The following ANO1 variants were observed in gnomAD, a reference collection of about 807,000 sequenced individuals.
ANO1 encodes anoctamin-1.
In ANO1, 59 loss-of-function variants were observed where a neutral mutation model predicts 124.0. The ratio of observed to expected loss-of-function variants is 0.48; its 90% CI spans 0.39 to 0.59. The LOEUF is 0.59. ANO1 is among the 20% of genes least tolerant of loss of function. The probability of loss-of-function intolerance (pLI) is 0.00; values close to 1 mark genes in which losing one functional copy is unlikely to be tolerated. For missense variants in ANO1, 1,059 were observed against 1,328.0 expected (o/e 0.80, Z 3.15); for synonymous variants, 529 against 532.0 (o/e 0.99, Z 0.08).
At chr11:70,042,549 G>C (rs1857200870) in intron 1 of ANO1, among the ~76,000 whole-genome samples, 1 of 135,936 alleles carries the variant, frequency 7.4e-6, no homozygotes, top group South Asian at 2.9e-4. Flanking sequence ...TTGAGAGATT[G>C]AGAGAGAGAG....
chr11:70,038,956 C>T (rs2135051725), intron 1 of ANO1, among the ~76,000 whole-genome samples: 1 of 151,980 alleles, frequency 6.6e-6, no homozygotes, highest in Non-Finnish European at 1.5e-5. Context: ...AAAAGCAATA[C>T]AGGAGAAAAA....
intron 1 of ANO1, among the ~76,000 whole-genome samples, chr11:70,047,368 G>A (rs1170371095): frequency 6.6e-6 from 1 of 152,032 alleles, no homozygotes; most frequent in African/African-American, 2.4e-5. Context: ...ATTATATGGA[G>A]AAATAAGAAT....
At chr11:69,971,248 T>C in the ANO1 span, among the ~76,000 whole-genome samples, 1 of 152,142 alleles carries the variant, frequency 6.6e-6, no homozygotes, top group Non-Finnish European at 1.5e-5. Flanking sequence ...GGAGAGTTGG[T>C]CCCCATGGTC....
intron 1 of ANO1, among the ~76,000 whole-genome samples, chr11:70,086,217 G>A (rs984334763): frequency 5.3e-5 from 8 of 152,320 alleles, no homozygotes; most frequent in Non-Finnish European, 1.2e-4. Context: ...TGCCTGTTAG[G>A]TTCTACCCAG....
chr11:70,010,166 C>CATGTGT (rs1856568763), intron 1 of ANO1, among the ~76,000 whole-genome samples: 1 of 100,528 alleles, frequency 9.9e-6, no homozygotes, highest in Non-Finnish European at 2.0e-5. Context: ...TGTGTGTGTG[C>CATGTGT]GCGTGTGTGT....
chr11:70,019,583 A>G (rs1856765002), intron 1 of ANO1, among the ~76,000 whole-genome samples: 1 of 152,130 alleles, frequency 6.6e-6, no homozygotes, highest in Non-Finnish European at 1.5e-5. Flanking sequence ...CCAAGTATGC[A>G]TTCAGTGACA....
chr11:70,187,998 C>T lies in ANO1; in HGVS notation c.2955C>T (p.Val985=), dbSNP rs1371769530. 2.6e-6 allele frequency: 4 copies of T among 1,560,904 alleles called. No individual in the cohort carries two copies. Among genetic ancestry groups the T allele is most frequent in the Non-Finnish European group, 2.6e-6 (3 of 1,153,276 alleles). Residue 985 remains valine (V), a synonymous_variant, in exon 26 of 26, where the codon GTC becomes GTT. Transcript: ENST00000355303. The part of the protein sequence containing the change: ...PAPSHAYHGG[V]L The stretch of plus-strand genomic sequence containing the variant: ...CCAGCCATGCCTACCACGGGGGCGT[C>T]CTGTAGCTATGCCAGCGGGGCTGGG...
At chr11:70,097,489 GC>G (rs2135313813) in intron 2 of ANO1, among the ~76,000 whole-genome samples, 1 of 152,348 alleles carries the variant, frequency 6.6e-6, no homozygotes, top group East Asian at 1.9e-4. Context: ...GCAGACCCCT[GC>G]CCAGGGACTG....
At chr11:70,066,750 C>G (rs950946344) in intron 1 of ANO1, among the ~76,000 whole-genome samples, 3 of 152,130 alleles carry the variant, frequency 2.0e-5, no homozygotes, top group African/African-American at 7.2e-5. Flanking sequence ...AGCTCCATCA[C>G]CGTAACTCCA....
chr11:70,018,478 G>C (rs1397799932), intron 1 of ANO1: 1 of 152,228 alleles, frequency 6.6e-6, no homozygotes, highest in Non-Finnish European at 1.5e-5. Context: ...GAGTGGAGGT[G>C]ACATGGCTCG....
chr11:70,030,204 C>T (rs1856976837), intron 1 of ANO1, among the ~76,000 whole-genome samples: 1 of 152,236 alleles, frequency 6.6e-6, no homozygotes, highest in Non-Finnish European at 1.5e-5. Context: ...TTGGGGGCTG[C>T]AGCCCAGGCT....
intron 10 of ANO1, among the ~76,000 whole-genome samples, chr11:70,130,067 G>T (rs979228213): frequency 6.6e-6 from 1 of 152,188 alleles, no homozygotes; most frequent in African/African-American, 2.4e-5. Flanking sequence ...ACCAGGCATG[G>T]TTCTGCGCAT....
At chr11:70,100,170 C>T (rs1034811930) in intron 2 of ANO1, among the ~76,000 whole-genome samples, 1 of 152,192 alleles carries the variant, frequency 6.6e-6, no homozygotes, top group African/African-American at 2.4e-5. Context: ...CAAAGCTCCC[C>T]TAACCACTGG....
At chr11:70,129,973 G>T (rs1383642515) in intron 10 of ANO1, among the ~76,000 whole-genome samples, 1 of 152,142 alleles carries the variant, frequency 6.6e-6, no homozygotes, top group South Asian at 2.1e-4. Context: ...GAAGAGAATT[G>T]AACCAGAATG....
At chr11:70,129,068 A>T (rs944597125) in intron 10 of ANO1, among the ~76,000 whole-genome samples, 1 of 152,200 alleles carries the variant, frequency 6.6e-6, no homozygotes, top group Non-Finnish European at 1.5e-5. Flanking sequence ...GTTGTGCCCA[A>T]CTGGGGACGT....
chr11:70,170,779 A>C, intron 21 of ANO1, 108 bp from the exon 22 acceptor site: 2 of 1,398,990 alleles, frequency 1.4e-6, no homozygotes, highest in Non-Finnish European at 1.9e-6. Context: ...GGCTCGTTGG[A>C]GGTGGGGCGG....
At chr11:70,128,587 G>A (rs776771550) in intron 10 of ANO1, among the ~76,000 whole-genome samples, 21 of 152,230 alleles carry the variant, frequency 1.4e-4, no homozygotes, top group Non-Finnish European at 2.8e-4. Context: ...CGGAGATGAG[G>A]CCAAAGCCAA....
chr11:70,115,285 G>T (rs1161660937), intron 7 of ANO1, among the ~76,000 whole-genome samples: 1 of 152,154 alleles, frequency 6.6e-6, no homozygotes, highest in African/African-American at 2.4e-5. Context: ...ACCCCCAGGA[G>T]CCCCATAGCT....
chr11:70,010,585 C>A (rs1289727196), intron 1 of ANO1, among the ~76,000 whole-genome samples: 4 of 152,078 alleles, frequency 2.6e-5, no homozygotes, highest in African/African-American at 9.7e-5. Context: ...ATGAGGGGCT[C>A]AGTGGTATAC....
Sources: gnomAD v4.1 joint callset for allele counts (sites outside exome capture counted in the v4.1 genomes callset) on GRCh38, gnomAD v4.1.1 for gene constraint, MANE v1.5 for transcripts, NCBI Gene and HGNC (gene_info 2026-07-23, HGNC 2026-07-21) for gene names.